NIT2: variants seen among roughly 807,000 people sequenced by gnomAD.
NIT2 encodes the protein nitrilase family member 2.
NIT2 carries 46 observed loss-of-function variants against 42.7 expected under a neutral mutation model. The observed-to-expected ratio is 1.08, with a 90% CI of 0.85 to 1.38. The LOEUF (loss-of-function observed/expected upper bound fraction) is 1.38. Ranked by LOEUF, NIT2 falls within the 40% of genes most tolerant of loss-of-function variation. The pLI is 0.00. For missense variants in NIT2, 309 were observed against 342.5 expected (o/e 0.90, Z 0.77); for synonymous variants, 123 against 121.9 (o/e 1.01, Z -0.06).
At chr3:100,346,338 A>G (rs925633650) in intron 6 of NIT2, 83 bp downstream of exon 6, 1 of 1,221,750 alleles carries the variant, frequency 8.2e-7, no homozygotes, top group Non-Finnish European at 1.2e-6. Context: ...TAGTCAAGAA[A>G]AGCTGGGAGA....
chr3:100,345,748 GTC>G (rs2148882777), intron 5 of NIT2, 70 bp downstream of exon 5: 2 of 948,104 alleles, frequency 2.1e-6, no homozygotes, highest in East Asian at 5.2e-5. Flanking sequence ...TTTCTTTTTT[GTC>G]TCTCTCCGAT....
chr3:100,337,432 C>G (rs1243106382), intron 1 of NIT2, among the ~76,000 whole-genome samples: 1 of 152,044 alleles, frequency 6.6e-6, no homozygotes, highest in Non-Finnish European at 1.5e-5. Flanking sequence ...ACTAGTAACT[C>G]GAACAAGGAA....
chr3:100,337,038 G>A (rs966094309), intron 1 of NIT2, among the ~76,000 whole-genome samples: 15 of 152,236 alleles, frequency 9.9e-5, no homozygotes, highest in African/African-American at 3.6e-4. Flanking sequence ...ATTAGGGAGT[G>A]GTGATGACTC....
chr3:100,350,927 A>AT (rs1389028853), intron 7 of NIT2, among the ~76,000 whole-genome samples: 1 of 151,978 alleles, frequency 6.6e-6, no homozygotes, highest in East Asian at 1.9e-4. Context: ...TCATTGTTCA[A>AT]TTCCCACCTA....
chr3:100,352,401 C>T lies in NIT2; in HGVS notation c.585-3C>T. The T allele has an allele frequency of 6.2e-7, 1 of 1,609,648 alleles. No homozygotes were observed. The highest frequency in any genetic ancestry group is 8.5e-7 in the Non-Finnish European group (1 of 1,176,310). ...TTACCTCTTTCCTGTCTATTGACTA[C>T]AGGGCTGTTGATAATCAGGTGTATG... On this transcript the variant is annotated splice_polypyrimidine_tract_variant and splice_region_variant and intron_variant, in intron 7 of 9. Coordinates refer to ENST00000394140, the MANE Select transcript of NIT2 (RefSeq NM_020202.5).
chr3:100,358,094 T>A lies in NIT2; in HGVS notation c.*2826T>A, dbSNP rs1185423429. 1 of 152,218 alleles carries A rather than the reference T, an allele frequency of 6.6e-6. No homozygotes were observed. Among genetic ancestry groups the A allele is most frequent in the Non-Finnish European group, 1.5e-5 (1 of 68,044 alleles). The allele number at this position is 152,218 out of a possible 1,614,324, so 9.4% of individuals were successfully genotyped here. On this transcript the variant is annotated 3_prime_UTR_variant, in exon 10 of 10. Coordinates refer to ENST00000394140, the MANE Select transcript of NIT2 (RefSeq NM_020202.5). Reference sequence around the variant, plus strand: ...GCACCCAGCCTTTTGTTTGTTTTTGTTTTTATGTATTTCATTAAATGAATT... The same window carrying A: ...GCACCCAGCCTTTTGTTTGTTTTTGATTTTATGTATTTCATTAAATGAATT...
At chr3:100,348,945 G>C in intron 7 of NIT2, 64 bp downstream of exon 7, 2 of 1,414,254 alleles carry the variant, frequency 1.4e-6, no homozygotes, top group Non-Finnish European at 2.0e-6. Context: ...ATTTCCGGTT[G>C]GGTGGAGGTG....
chr3:100,346,316 A>C, intron 6 of NIT2, 61 bp downstream of exon 6: 1 of 1,446,772 alleles, frequency 6.9e-7, no homozygotes, highest in Non-Finnish European at 9.7e-7. Flanking sequence ...AGGCTGGTCT[A>C]TGTGGGATCC....
chr3:100,352,926 C>T (rs1386545191), intron 8 of NIT2, among the ~76,000 whole-genome samples: 1 of 152,198 alleles, frequency 6.6e-6, no homozygotes, highest in African/African-American at 2.4e-5. Context: ...GAGGAGCAGT[C>T]AGGATGGTTC....
At chr3:100,335,101 T>C in intron 1 of NIT2, 1 of 442,938 alleles carries the variant, frequency 2.3e-6, no homozygotes. Flanking sequence ...CTCCACGGTG[T>C]GGGCCGCGGT....
At chr3:100,341,199 A>C in intron 4 of NIT2, 38 bp downstream of exon 4, 1 of 1,477,778 alleles carries the variant, frequency 6.8e-7, no homozygotes, top group Non-Finnish European at 9.5e-7. Flanking sequence ...TGTTATCTCT[A>C]AGCCAGCAAC....
In NIT2 at chr3:100,337,842, C is replaced by T. The variant is rs574313908; in HGVS notation, c.8-1245C>T. ...GTTTGAGAGGCTGAGGCAGGAGGATCGCTTGAGCCCAGGAGTTCGAGACCA... is the reference window on the plus strand; with the variant it reads ...GTTTGAGAGGCTGAGGCAGGAGGATTGCTTGAGCCCAGGAGTTCGAGACCA... On this transcript the variant is annotated intron_variant, in intron 1 of 9. Transcript: ENST00000394140. 5.3e-5 allele frequency among the ~76,000 whole-genome samples: 8 copies of T among 152,260 alleles called. No individual in the cohort carries two copies. In the South Asian group the frequency reaches 1.2e-3, roughly 24 times the overall value.
At chr3:100,344,663 T>C (rs1182613855) in intron 4 of NIT2, among the ~76,000 whole-genome samples, 1 of 152,230 alleles carries the variant, frequency 6.6e-6, no homozygotes, top group East Asian at 1.9e-4. Context: ...TTTGTTTTTT[T>C]GAGATGGAGT....
chr3:100,352,626 T>C, intron 8 of NIT2, 124 bp downstream of exon 8: 1 of 613,904 alleles, frequency 1.6e-6, no homozygotes. Context: ...TTTCCCCACA[T>C]ATCCTGCCAG....
At position 100,354,772 on chromosome 3, in the gene NIT2, G is replaced by A. The variant is rs201912363; in HGVS notation, c.684G>A (p.Trp228Ter). The change falls in exon 9 of 10, where the codon TGG (tryptophan) becomes TGA (stop). Residue 228 changes from tryptophan (W) to a stop codon, truncating the protein, a stop_gained and splice_region_variant. Coordinates refer to ENST00000394140, the MANE Select transcript of NIT2 (RefSeq NM_020202.5). LOFTEE classifies it high-confidence loss of function. ...TCATTCTCTTCTGCATCTTTTTCAGGGGGGAGGTTCTAGCCAAAGCTGGCA... is the reference window on the plus strand; with the variant it reads ...TCATTCTCTTCTGCATCTTTTTCAGAGGGGAGGTTCTAGCCAAAGCTGGCA... ...AWGHSTVVNP[W>*]GEVLAKAGTE... 2.5e-6 allele frequency: 4 copies of A among 1,606,494 alleles called. No individual in the cohort carries two copies. Among genetic ancestry groups the A allele is most frequent in the Non-Finnish European group, 3.4e-6 (4 of 1,176,410 alleles).
In NIT2 at chr3:100,352,481, A is replaced by G; in HGVS notation, c.662A>G (p.His221Arg). ...AAAGCCTCCTATGTTGCCTGGGGAC[A>G]CAGCACCGTGGTGAACCCTTGGTGA... ...DDKASYVAWG[H>R]STVVNPWGEV... The change falls in exon 8 of 10, where the codon CAC becomes CGC. Residue 221 changes from histidine (H) to arginine (R), a missense_variant. By Grantham distance (29) the His-to-Arg change is conservative. Coordinates refer to ENST00000394140, the MANE Select transcript of NIT2 (RefSeq NM_020202.5). 6.2e-7 allele frequency: 1 copy of G among 1,613,302 alleles called. No individual in the cohort carries two copies. Among genetic ancestry groups the G allele is most frequent in the African/African-American group, 1.3e-5 (1 of 75,040 alleles).
intron 1 of NIT2, 101 bp from the exon 2 acceptor site, chr3:100,338,986 C>T (rs1415426105): frequency 7.4e-6 from 6 of 806,926 alleles, no homozygotes; most frequent in Admixed American, 5.2e-5. Flanking sequence ...TGTCAGATGT[C>T]CCCCCGGGGA....
Position 100,345,602 on chromosome 3 carries a change from T to A in NIT2, c.354T>A (p.Ile118=). Residue 118 remains isoleucine (I), a synonymous_variant, in exon 5 of 10, where the codon ATT becomes ATA. Coordinates refer to ENST00000394140, the MANE Select transcript of NIT2 (RefSeq NM_020202.5). ...AKYRKIHLFD[I]DVPGKITFQE... is the part of the protein sequence containing the mutation. ...TGATGCAGATCCATCTGTTTGACAT[T>A]GATGTTCCTGGAAAAATTACATTTC... The A allele has an allele frequency of 6.2e-7, 1 of 1,611,710 alleles. No homozygotes were observed. Among genetic ancestry groups the A allele is most frequent in the African/African-American group, 1.3e-5 (1 of 75,022 alleles).
rs141176870 is a variant in NIT2, at chr3:100,342,027, A to G, written c.336+866A>G. Among the ~76,000 whole-genome samples, 128 of 152,296 alleles carry G rather than the reference A, an allele frequency of 8.4e-4. 3 individuals carry two copies. In the East Asian group the frequency reaches 0.023, roughly 28 times the overall value. The stretch of plus-strand genomic sequence containing the variant: ...CACTGCACTCCAACCTGGGCAAGAC[A>G]GAGCAAGACTCCATCTCAAAAAAAA... On this transcript the variant is annotated intron_variant, in intron 4 of 9. Coordinates refer to ENST00000394140, the MANE Select transcript of NIT2 (RefSeq NM_020202.5).
Sources: gnomAD v4.1 joint callset for allele counts (sites outside exome capture counted in the v4.1 genomes callset) on GRCh38, gnomAD v4.1.1 for gene constraint, MANE v1.5 for transcripts, NCBI Gene and HGNC (gene_info 2026-07-23, HGNC 2026-07-21) for gene names.